RSPO2: variants seen among roughly 807,000 people sequenced by gnomAD.
The protein encoded by RSPO2 is R-spondin-2.
Under a neutral mutation model 30.9 loss-of-function variants are expected in RSPO2, and 14 were observed. The ratio of observed to expected loss-of-function variants is 0.45; its 90% CI spans 0.30 to 0.71. The LOEUF (loss-of-function observed/expected upper bound fraction) is 0.71. Ranked by LOEUF, RSPO2 falls within the 30% of genes least tolerant of loss-of-function variation. The pLI, the probability that RSPO2 is intolerant of heterozygous loss-of-function variation, is 0.08. For missense variants in RSPO2, 264 were observed against 301.9 expected (o/e 0.87, Z 0.93); for synonymous variants, 107 against 96.4 (o/e 1.11, Z -0.64).
In RSPO2 at chr8:107,939,433, T is replaced by C. The variant is rs116804962; in HGVS notation, c.616+18647A>G. ...AAGGGCTCAATGATGAAAAAGTTATTATGGGACAGTTACACCAAACGACAA... is the reference window on the plus strand; with the variant it reads ...AAGGGCTCAATGATGAAAAAGTTATCATGGGACAGTTACACCAAACGACAA... On this transcript the variant is annotated intron_variant, in intron 5 of 5. Transcript: ENST00000276659. Among the ~76,000 whole-genome samples the C allele has an allele frequency of 5.6e-3, 854 of 151,674 alleles. 7 individuals carry two copies. The highest frequency in any genetic ancestry group is 0.02 in the African/African-American group (817 of 41,394).
At position 107,918,144 on chromosome 8, in the gene RSPO2, C is replaced by T. The variant is rs978549144; in HGVS notation, c.617-16954G>A. Among the ~76,000 whole-genome samples the T allele has an allele frequency of 3.3e-5, 5 of 152,030 alleles. No individual in the cohort carries two copies. The East Asian group carries it at 7.7e-4, about 23-fold the overall frequency. ...TTTTTAAAAACTTTTTTGCTTAAAA[C>T]GTTGTTGATCCTTTTTGTTTTCCAG... On this transcript the variant is annotated intron_variant, in intron 5 of 5. Transcript: ENST00000276659.
intron 5 of RSPO2, among the ~76,000 whole-genome samples, chr8:107,932,559 G>A (rs1319565149): frequency 6.6e-6 from 1 of 152,110 alleles, no homozygotes; most frequent in East Asian, 1.9e-4. Context: ...TAATAAACAG[G>A]TCATAACAGG....
intron 3 of RSPO2, among the ~76,000 whole-genome samples, chr8:107,981,607 A>G (rs980115880): frequency 1.3e-5 from 2 of 152,212 alleles, no homozygotes; most frequent in Non-Finnish European, 2.9e-5. Context: ...AAAAACACCT[A>G]AATAGTGATC....
chr8:108,064,241 G>A (rs1287592275), intron 2 of RSPO2, among the ~76,000 whole-genome samples: 1 of 152,012 alleles, frequency 6.6e-6, no homozygotes, highest in Non-Finnish European at 1.5e-5. Context: ...AGTGAAACAG[G>A]CAACCTACAG....
chr8:107,959,771 A>G (rs1813558003), intron 4 of RSPO2, among the ~76,000 whole-genome samples: 1 of 152,216 alleles, frequency 6.6e-6, no homozygotes, highest in Admixed American at 6.5e-5. Context: ...CTCACACATA[A>G]GTAGAAACAT....
Position 107,914,470 on chromosome 8 carries a change from A to G in RSPO2, c.617-13280T>C, listed in dbSNP as rs544356709. Among the ~76,000 whole-genome samples the G allele has an allele frequency of 5.3e-5, 8 of 152,130 alleles. No homozygotes were observed. In the East Asian group the frequency reaches 5.8e-4, roughly 11 times the overall value. ...AATGCTCACAGAATAGGTAAAAAAA[A>G]AAAAATACCTTTTAACATTTCTATT... On this transcript the variant is annotated intron_variant, in intron 5 of 5. Coordinates refer to ENST00000276659, the MANE Select transcript of RSPO2 (RefSeq NM_178565.5).
intron 5 of RSPO2, among the ~76,000 whole-genome samples, chr8:107,914,662 A>G (rs1301568414): frequency 1.3e-5 from 2 of 152,138 alleles, no homozygotes; most frequent in Non-Finnish European, 2.9e-5. Flanking sequence ...AGAATTTTCA[A>G]AAATTAGTTA....
chr8:108,056,345 A>G (rs1812240805), intron 2 of RSPO2, among the ~76,000 whole-genome samples: 1 of 152,098 alleles, frequency 6.6e-6, no homozygotes, highest in Non-Finnish European at 1.5e-5. Flanking sequence ...TCTTGTAAGC[A>G]TAGTGACTCA....
At chr8:107,922,719 A>G (rs1563521989) in intron 5 of RSPO2, among the ~76,000 whole-genome samples, 1 of 152,314 alleles carries the variant, frequency 6.6e-6, no homozygotes, top group Non-Finnish European at 1.5e-5. Flanking sequence ...ACGGGGCTGC[A>G]AACAACATGG....
At chr8:108,039,204 C>T (rs1423669748) in intron 2 of RSPO2, among the ~76,000 whole-genome samples, 1 of 152,002 alleles carries the variant, frequency 6.6e-6, no homozygotes, top group Non-Finnish European at 1.5e-5. Flanking sequence ...CATATATTAC[C>T]ACAACACTTT....
intron 3 of RSPO2, among the ~76,000 whole-genome samples, chr8:107,986,512 G>T (rs1254203975): frequency 6.6e-6 from 1 of 152,148 alleles, no homozygotes; most frequent in East Asian, 1.9e-4. Flanking sequence ...CTGCCTGAGA[G>T]TATCTAAGGA....
chr8:107,977,012 G>A (rs1033993337), intron 3 of RSPO2, among the ~76,000 whole-genome samples: 1 of 152,146 alleles, frequency 6.6e-6, no homozygotes, highest in Non-Finnish European at 1.5e-5. Context: ...GAAAGTGTGG[G>A]AGGCAGAGAA....
chr8:107,961,198 G>C (rs1563540300), intron 3 of RSPO2, among the ~76,000 whole-genome samples: 1 of 152,190 alleles, frequency 6.6e-6, no homozygotes, highest in Non-Finnish European at 1.5e-5. Context: ...TGGGAACACT[G>C]TAATAAGTGT....
chr8:108,033,394 C>G (rs1011339187), intron 2 of RSPO2, among the ~76,000 whole-genome samples: 1 of 152,188 alleles, frequency 6.6e-6, no homozygotes, highest in Non-Finnish European at 1.5e-5. Context: ...GAATATCTAG[C>G]TGGCCTCTCA....
At chr8:107,983,712 A>C (rs1814529837) in intron 3 of RSPO2, 4 of 1,586,706 alleles carry the variant, frequency 2.5e-6, no homozygotes, top group Non-Finnish European at 3.5e-6. Context: ...ATAACAACTA[A>C]AGGCTGAAAA....
intron 2 of RSPO2, among the ~76,000 whole-genome samples, chr8:108,075,985 A>G (rs1372844965): frequency 6.6e-6 from 1 of 152,202 alleles, no homozygotes; most frequent in Non-Finnish European, 1.5e-5. Context: ...AGGCAAGATA[A>G]CCAGAAAAAA....
intron 2 of RSPO2, among the ~76,000 whole-genome samples, chr8:108,066,692 A>ATTCACAGT (rs1812681043): frequency 6.6e-6 from 1 of 152,236 alleles, no homozygotes; most frequent in Non-Finnish European, 1.5e-5. Flanking sequence ...TCATAGTACA[A>ATTCACAGT]AAATATCTAT....
intron 5 of RSPO2, among the ~76,000 whole-genome samples, chr8:107,927,029 C>T (rs1265688152): frequency 1.3e-5 from 2 of 151,922 alleles, no homozygotes; most frequent in African/African-American, 4.8e-5. Flanking sequence ...TATCCATGAG[C>T]ATGGAATGTT....
chr8:107,989,341 C>T, intron 2 of RSPO2, 97 bp from the exon 3 acceptor site: 2 of 746,336 alleles, frequency 2.7e-6, no homozygotes, highest in South Asian at 2.2e-5. Flanking sequence ...TTTCTTTCTG[C>T]TATACTCACA....
Sources: allele counts gnomAD v4.1 joint callset (sites outside exome capture counted in the v4.1 genomes callset), GRCh38; gene constraint gnomAD v4.1.1; transcripts MANE v1.5; gene names NCBI Gene and HGNC (gene_info 2026-07-23, HGNC 2026-07-21).